WWOX: variants seen among roughly 807,000 people sequenced by gnomAD.
WWOX encodes WW domain-containing oxidoreductase.
WWOX carries 69 observed loss-of-function variants against 46.2 expected under a neutral mutation model. The ratio of observed to expected loss-of-function variants is 1.49; its 90% confidence interval spans 1.23 to 1.82. The LOEUF is 1.82. Ranked by LOEUF, WWOX falls within the 40% of genes most tolerant of loss-of-function variation. The pLI is 0.00. For missense variants in WWOX, 919 were observed against 542.6 expected (o/e 1.69, Z -6.89); for synonymous variants, 359 against 202.6 (o/e 1.77, Z -6.56).
chr16:78,517,524 T>C (rs1052037981), intron 8 of WWOX, among the ~76,000 whole-genome samples: 1 of 152,218 alleles, frequency 6.6e-6, no homozygotes, highest in African/African-American at 2.4e-5. Flanking sequence ...TACTGAATTA[T>C]GTGGGATTCA....
chr16:78,557,819 C>A (rs1225879200), intron 8 of WWOX, among the ~76,000 whole-genome samples: 2 of 151,284 alleles, frequency 1.3e-5, no homozygotes, highest in East Asian at 3.9e-4. Flanking sequence ...CGTCAGCCTC[C>A]TGAGTAGCTG....
chr16:78,287,785 T>C (rs1439955144), intron 5 of WWOX, among the ~76,000 whole-genome samples: 2 of 152,178 alleles, frequency 1.3e-5, no homozygotes, highest in Non-Finnish European at 2.9e-5. Flanking sequence ...TAATTTTTTT[T>C]CCTAAACTTA....
At chr16:78,314,881 C>T (rs1159763747) in intron 5 of WWOX, among the ~76,000 whole-genome samples, 1 of 151,922 alleles carries the variant, frequency 6.6e-6, no homozygotes, top group East Asian at 1.9e-4. Flanking sequence ...ACTGAGCCAT[C>T]TCAGTTTTTC....
intron 8 of WWOX, among the ~76,000 whole-genome samples, chr16:78,459,240 C>T (rs574365189): frequency 1.1e-4 from 17 of 152,178 alleles, no homozygotes; most frequent in Non-Finnish European, 2.1e-4. Context: ...GAAAGACTGT[C>T]GTAAGTTCAC....
intron 8 of WWOX, among the ~76,000 whole-genome samples, chr16:78,951,263 T>C (rs1286504299): frequency 6.6e-6 from 1 of 152,166 alleles, no homozygotes; most frequent in African/African-American, 2.4e-5. Flanking sequence ...TAAACTTCAT[T>C]TGCAGACATG....
At chr16:79,018,131 G>A (rs994852598) in intron 8 of WWOX, among the ~76,000 whole-genome samples, 32 of 152,144 alleles carry the variant, frequency 2.1e-4, no homozygotes, top group Non-Finnish European at 3.1e-4. Flanking sequence ...GAGGTATCAT[G>A]GCCTTCAAGA....
intron 8 of WWOX, among the ~76,000 whole-genome samples, chr16:78,607,063 T>G (rs2045777261): frequency 6.6e-6 from 1 of 152,164 alleles, no homozygotes; most frequent in South Asian, 2.1e-4. Context: ...ATGCAAATGG[T>G]GGCCAAGGGG....
intron 8 of WWOX, among the ~76,000 whole-genome samples, chr16:78,663,468 G>A (rs560300282): frequency 3.3e-5 from 5 of 152,174 alleles, no homozygotes; most frequent in South Asian, 2.1e-4. Context: ...ATAATACTGC[G>A]ATATGAACAT....
At chr16:78,216,752 G>C (rs2036735276) in intron 5 of WWOX, among the ~76,000 whole-genome samples, 1 of 151,472 alleles carries the variant, frequency 6.6e-6, no homozygotes, top group South Asian at 2.1e-4. Flanking sequence ...TTATTTGTGA[G>C]ACAGAGCTTT....
chr16:78,906,130 G>A (rs996138640), intron 8 of WWOX, among the ~76,000 whole-genome samples: 1 of 152,198 alleles, frequency 6.6e-6, no homozygotes, highest in Non-Finnish European at 1.5e-5. Context: ...TGCCATGGAA[G>A]TCTGTAAACC....
chr16:78,711,941 ATC>A (rs1419619788), intron 8 of WWOX, among the ~76,000 whole-genome samples: 2 of 152,202 alleles, frequency 1.3e-5, no homozygotes, highest in African/African-American at 4.8e-5. Context: ...AGGAAAGAGC[ATC>A]TCTTTCAGGA....
At chr16:79,135,521 T>C (rs1205164527) in intron 8 of WWOX, among the ~76,000 whole-genome samples, 2 of 152,250 alleles carry the variant, frequency 1.3e-5, no homozygotes, top group South Asian at 2.1e-4. Flanking sequence ...AATCTTTGCA[T>C]ATTATAAGTT....
chr16:78,527,892 A>G (rs1471862622), intron 8 of WWOX, among the ~76,000 whole-genome samples: 1 of 151,010 alleles, frequency 6.6e-6, no homozygotes, highest in Admixed American at 6.6e-5. Flanking sequence ...AGTGCAAAGG[A>G]CCATGCCCAC....
intron 8 of WWOX, among the ~76,000 whole-genome samples, chr16:79,079,141 C>T (rs1011631266): frequency 2.6e-5 from 4 of 152,196 alleles, no homozygotes; most frequent in Non-Finnish European, 5.9e-5. Flanking sequence ...GCAATGCTCT[C>T]TTCCAAGTAG....
intron 4 of WWOX, among the ~76,000 whole-genome samples, chr16:78,158,294 C>T (rs897816419): frequency 2.8e-4 from 42 of 152,136 alleles, no homozygotes; most frequent in African/African-American, 1.0e-3. Context: ...GGCCATTTGA[C>T]ATGGGTTTGG....
At chr16:78,309,240 G>T (rs985739835) in intron 5 of WWOX, among the ~76,000 whole-genome samples, 1 of 152,168 alleles carries the variant, frequency 6.6e-6, no homozygotes, top group Admixed American at 6.5e-5. Context: ...CACGTGATCC[G>T]ATGGTTATAA....
intron 8 of WWOX, among the ~76,000 whole-genome samples, chr16:79,008,203 A>G (rs773051595): frequency 7.9e-5 from 12 of 152,134 alleles, no homozygotes; most frequent in Non-Finnish European, 1.6e-4. Flanking sequence ...GGCTATTCTC[A>G]GGCTCTCAGG....
chr16:78,591,586 A>G lies in WWOX; in HGVS notation c.1056+158834A>G, dbSNP rs913522375. Among the ~76,000 whole-genome samples the G allele has an allele frequency of 2.6e-5, 4 of 152,334 alleles. No homozygotes were observed. The South Asian group carries it at 6.2e-4, about 24-fold the overall frequency. On this transcript the variant is annotated intron_variant, in intron 8 of 8. Coordinates refer to ENST00000566780, the MANE Select transcript of WWOX (RefSeq NM_016373.4). ...AAATGGGTTTTGGATTTAGGTTACC[A>G]TCATTTATCTTCTCTGTAACCTTAG...
intron 8 of WWOX, among the ~76,000 whole-genome samples, chr16:78,677,038 T>C (rs1305183225): frequency 1.3e-5 from 2 of 149,726 alleles, no homozygotes; most frequent in Non-Finnish European, 3.0e-5. Flanking sequence ...AAAGCAGTTT[T>C]TATGAATACC....
Sources: allele counts gnomAD v4.1 joint callset (sites outside exome capture counted in the v4.1 genomes callset), GRCh38; gene constraint gnomAD v4.1.1; transcripts MANE v1.5; gene names NCBI Gene and HGNC (gene_info 2026-07-23, HGNC 2026-07-21).